Variants in CCDC175 observed in about 807,000 individuals in gnomAD.
CCDC175 encodes coiled-coil domain containing 175, also known as coiled-coil domain-containing protein 175.
In CCDC175, 100 loss-of-function variants were observed where a neutral mutation model predicts 114.6. That is an observed-to-expected ratio of 0.87 (90% confidence interval 0.74 to 1.03). The LOEUF (loss-of-function observed/expected upper bound fraction) is 1.03. Ranked by LOEUF, CCDC175 falls within the 50% of genes least tolerant of loss-of-function variation. The probability of loss-of-function intolerance (pLI) is 0.00; values close to 1 mark genes in which losing one functional copy is unlikely to be tolerated. For missense variants in CCDC175, 880 were observed against 917.8 expected (o/e 0.96, Z 0.53); for synonymous variants, 306 against 308.7 (o/e 0.99, Z 0.09).
Position 59,527,092 on chromosome 14 carries a change from T to C in CCDC175, c.1842+3A>G. The C allele has an allele frequency of 7.2e-7, 1 of 1,393,442 alleles. No individual in the cohort carries two copies. The highest frequency in any genetic ancestry group is 9.5e-7 in the Non-Finnish European group (1 of 1,051,570). 86.3% of individuals were successfully genotyped at this position (1,393,442 alleles called of 1,614,324 possible). On this transcript the variant is annotated splice_donor_region_variant and intron_variant, in intron 15 of 19. Coordinates refer to ENST00000537690, the MANE Select transcript of CCDC175 (RefSeq NM_001164399.2). ...AAAAAGAATTAATGCATTGATCTTTTACCATGTTGCTAATGTATCTTGAAA... is the reference window on the plus strand; with the variant it reads ...AAAAAGAATTAATGCATTGATCTTTCACCATGTTGCTAATGTATCTTGAAA...
At chr14:59,573,561 A>G (rs1468349476) in intron 2 of CCDC175, among the ~76,000 whole-genome samples, 1 of 151,920 alleles carries the variant, frequency 6.6e-6, no homozygotes, top group East Asian at 1.9e-4. Context: ...TAATTTTTCA[A>G]AGTCAACATG....
chr14:59,563,672 C>G, intron 6 of CCDC175, 65 bp downstream of exon 6: 1 of 1,009,220 alleles, frequency 9.9e-7, no homozygotes, highest in East Asian at 3.3e-5. Context: ...GAATTACAAT[C>G]AACTCCTTTT....
intron 19 of CCDC175, among the ~76,000 whole-genome samples, chr14:59,507,604 G>A (rs1892501026): frequency 6.6e-6 from 1 of 152,204 alleles, no homozygotes; most frequent in Non-Finnish European, 1.5e-5. Context: ...ATTCAACAGG[G>A]AACATTCAAA....
rs1227332044 is a variant in CCDC175 at position 59,505,212 on chromosome 14, T to C, written c.*27A>G. On this transcript the variant is annotated 3_prime_UTR_variant, in exon 20 of 20. Transcript: ENST00000537690. ...ACTTTTCCTGTAGTAGTCTGTCTTT[T>C]GAATTCACAGCAGTTGTATCCTTGA... 3 of 1,271,456 alleles carry C rather than the reference T, an allele frequency of 2.4e-6. No homozygotes were observed. The highest frequency in any genetic ancestry group is 1.5e-5 in the African/African-American group (1 of 66,564). 78.8% of individuals were successfully genotyped at this position (1,271,456 alleles called of 1,614,324 possible).
chr14:59,554,227 T>G (rs1895718838), intron 7 of CCDC175, among the ~76,000 whole-genome samples: 1 of 152,172 alleles, frequency 6.6e-6, no homozygotes, highest in African/African-American at 2.4e-5. Flanking sequence ...AAAGCAATCT[T>G]CAGCAAATGT....
chr14:59,541,794 T>C (rs1894805894), intron 10 of CCDC175, among the ~76,000 whole-genome samples: 1 of 152,356 alleles, frequency 6.6e-6, no homozygotes, highest in Admixed American at 6.5e-5. Context: ...TTGAGATTCC[T>C]GGTGACCAGA....
At chr14:59,533,519 T>G (rs1165656241) in intron 13 of CCDC175, among the ~76,000 whole-genome samples, 3 of 152,196 alleles carry the variant, frequency 2.0e-5, no homozygotes, top group Non-Finnish European at 2.9e-5. Context: ...TCTTGCACCT[T>G]AACTAATACA....
intron 19 of CCDC175, among the ~76,000 whole-genome samples, chr14:59,506,276 T>C (rs1322010890): frequency 1.2e-4 from 6 of 49,970 alleles, no homozygotes; most frequent in African/African-American, 1.0e-3. Context: ...AGCACAGGGA[T>C]TTTTTTTTTT....
chr14:59,536,710 T>A (rs563438697), intron 13 of CCDC175, among the ~76,000 whole-genome samples: 2 of 152,168 alleles, frequency 1.3e-5, no homozygotes, highest in South Asian at 4.1e-4. Context: ...TACATTTCCA[T>A]GCTAATAATT....
chr14:59,565,564 G>A (rs182819264), intron 4 of CCDC175, among the ~76,000 whole-genome samples: 56 of 152,098 alleles, frequency 3.7e-4, no homozygotes, highest in African/African-American at 1.1e-3. Context: ...AAAATTAGCC[G>A]GGGATGGTGG....
chr14:59,565,524 T>C (rs907522301), intron 4 of CCDC175, among the ~76,000 whole-genome samples: 1 of 152,106 alleles, frequency 6.6e-6, no homozygotes, highest in African/African-American at 2.4e-5. Flanking sequence ...CTGGCCAACA[T>C]GGTGAAACCC....
At position 59,511,750 on chromosome 14, in the gene CCDC175, C is replaced by A. The variant is rs1361699717; in HGVS notation, c.2142+10G>T. ...TTTATATGGAGGCAACAGACACACGCAAAACTCACCTTAACTGTGGTCTGA... is the reference window on the plus strand; with the variant it reads ...TTTATATGGAGGCAACAGACACACGAAAAACTCACCTTAACTGTGGTCTGA... On this transcript the variant is annotated intron_variant, in intron 18 of 19. Coordinates refer to ENST00000537690, the MANE Select transcript of CCDC175 (RefSeq NM_001164399.2). The A allele has an allele frequency of 2.0e-6, 3 of 1,535,164 alleles. No individual in the cohort carries two copies. In the African/African-American group the frequency reaches 4.1e-5, roughly 21 times the overall value.
chr14:59,560,011 C>A (rs1240479341), intron 7 of CCDC175, among the ~76,000 whole-genome samples: 2 of 152,078 alleles, frequency 1.3e-5, no homozygotes, highest in Non-Finnish European at 2.9e-5. Flanking sequence ...TTCACTATGA[C>A]TTTTTTGTCT....
At chr14:59,574,898 A>T in intron 2 of CCDC175, 45 bp downstream of exon 2, 1 of 1,041,944 alleles carries the variant, frequency 9.6e-7, no homozygotes, top group African/African-American at 1.6e-5. Context: ...GTTTGAAGAA[A>T]TATGTGGAAG....
chr14:59,572,701 C>A lies in CCDC175; in HGVS notation c.355+1G>T. The A allele has an allele frequency of 6.9e-7, 1 of 1,454,200 alleles. No individual in the cohort carries two copies. The highest frequency in any genetic ancestry group is 1.7e-4 in the Middle Eastern group (1 of 5,784). The allele number at this position is 1,454,200 out of a possible 1,614,324, so 90.1% of individuals were successfully genotyped here. ...TCTAGAGTTGATAACCTCAAAAGTA[C>A]CTTCCAATTCCCTCTTAATGCTATT... On this transcript the variant is annotated splice_donor_variant, in intron 3 of 19. Transcript: ENST00000537690. LOFTEE classifies it high-confidence loss of function.
At chr14:59,555,232 C>T (rs12895293) in intron 7 of CCDC175, among the ~76,000 whole-genome samples, 20,945 of 152,002 alleles carry the variant, frequency 0.14, 1,632 homozygotes, top group South Asian at 0.25. Flanking sequence ...ACTGGCAAAC[C>T]GAATCCAGCA....
chr14:59,514,906 C>A (rs1452776170), intron 17 of CCDC175, among the ~76,000 whole-genome samples: 1 of 152,130 alleles, frequency 6.6e-6, no homozygotes, highest in Non-Finnish European at 1.5e-5. Flanking sequence ...ATGTTAAGGG[C>A]AGCCAGAGAG....
At chr14:59,537,183 T>C in intron 13 of CCDC175, among the ~76,000 whole-genome samples, 1 of 152,216 alleles carries the variant, frequency 6.6e-6, no homozygotes, top group Non-Finnish European at 1.5e-5. Flanking sequence ...CTAGTATTTT[T>C]GTATGAAAAA....
intron 16 of CCDC175, among the ~76,000 whole-genome samples, chr14:59,523,724 T>A (rs532910308): frequency 6.6e-6 from 1 of 152,134 alleles, no homozygotes; most frequent in Non-Finnish European, 1.5e-5. Context: ...GCGCGGTGGC[T>A]CAAGCCTGTA....
Sources: allele counts gnomAD v4.1 joint callset (sites outside exome capture counted in the v4.1 genomes callset), GRCh38; gene constraint gnomAD v4.1.1; transcripts MANE v1.5; gene names NCBI Gene and HGNC (gene_info 2026-07-23, HGNC 2026-07-21).